Variants in ROBO2 observed in about 807,000 individuals in gnomAD.
ROBO2 encodes the protein roundabout homolog 2.
A neutral mutation model predicts 160.8 loss-of-function variants in ROBO2; 53 were observed. The ratio of observed to expected loss-of-function variants is 0.33; its 90% confidence interval spans 0.26 to 0.41. The LOEUF is 0.41. Ranked by LOEUF, ROBO2 falls within the 10% of genes least tolerant of loss-of-function variation. The pLI, the probability that ROBO2 is intolerant of heterozygous loss-of-function variation, is 1.00. For synonymous variants in ROBO2, 664 were observed against 611.7 expected (o/e 1.09, Z -1.26); for missense variants, 1,577 against 1,722.4 (o/e 0.92, Z 1.49).
intron 2 of ROBO2, among the ~76,000 whole-genome samples, chr3:76,906,849 G>C (rs539701248): frequency 6.6e-6 from 1 of 151,972 alleles, no homozygotes; most frequent in South Asian, 2.1e-4. Context: ...GTATCTCTCT[G>C]TTTGACTACA....
intron 2 of ROBO2, among the ~76,000 whole-genome samples, chr3:76,170,148 G>T (rs1347164042): frequency 1.3e-5 from 2 of 151,888 alleles, no homozygotes; most frequent in African/African-American, 4.9e-5. Context: ...TCATTTTAAA[G>T]ATAACTTCTT....
chr3:76,712,655 G>A lies in ROBO2; in HGVS notation c.110-385359G>A, dbSNP rs988455856. The stretch of plus-strand genomic sequence containing the variant: ...ATGCTGCTGCACTCCAGCCTGGGCG[G>A]CACAGTGAGATGCCGTCTCAAAAAA... On this transcript the variant is annotated intron_variant, in intron 2 of 26. Coordinates refer to the ROBO2 transcript ENST00000487694. Among the ~76,000 whole-genome samples, 5 of 151,572 alleles carry A rather than the reference G, an allele frequency of 3.3e-5. No individual in the cohort carries two copies. In the East Asian group the frequency reaches 9.7e-4, roughly 30 times the overall value.
intron 2 of ROBO2, among the ~76,000 whole-genome samples, chr3:76,264,763 C>T (rs1038290700): frequency 1.2e-4 from 18 of 152,082 alleles, no homozygotes; most frequent in African/African-American, 4.1e-4. Flanking sequence ...TGCTCTTGTC[C>T]CTGTGTAGTA....
chr3:77,214,227 G>T (rs947076774), intron 2 of ROBO2, among the ~76,000 whole-genome samples: 1 of 152,044 alleles, frequency 6.6e-6, no homozygotes, highest in Admixed American at 6.6e-5. Context: ...TCTCTTTGTA[G>T]GTCTCTAAGG....
intron 2 of ROBO2, among the ~76,000 whole-genome samples, chr3:76,704,801 C>T (rs1400697131): frequency 1.3e-5 from 2 of 152,080 alleles, no homozygotes; most frequent in East Asian, 3.9e-4. Flanking sequence ...CTAAGCAGGG[C>T]TCTCTAGAAG....
Position 77,353,945 on chromosome 3 carries a change from A to G in ROBO2, c.389-123469A>G, listed in dbSNP as rs548009861. 2.6e-5 allele frequency among the ~76,000 whole-genome samples: 4 copies of G among 152,356 alleles called. No individual in the cohort carries two copies. In the South Asian group the frequency reaches 8.3e-4, roughly 32 times the overall value. ...AGAAAATGTGTAAATGAATTACATT[A>G]ATTACCGCTTCTTCCCACCACTGCT... On this transcript the variant is annotated intron_variant, in intron 2 of 25. Transcript: ENST00000461745.
chr3:76,940,296 T>G (rs1284096715), intron 2 of ROBO2, among the ~76,000 whole-genome samples: 1 of 152,164 alleles, frequency 6.6e-6, no homozygotes, highest in African/African-American at 2.4e-5. Context: ...CAGGATATTT[T>G]TAAGCTGCCA....
At chr3:76,304,898 T>C (rs896404694) in intron 2 of ROBO2, among the ~76,000 whole-genome samples, 5 of 151,760 alleles carry the variant, frequency 3.3e-5, no homozygotes, top group Non-Finnish European at 5.9e-5. Flanking sequence ...CTGGGCCCTT[T>C]CCAGCACTCA....
At chr3:77,527,300 C>A in intron 6 of ROBO2, 103 bp from the exon 7 acceptor site, 1 of 797,102 alleles carries the variant, frequency 1.3e-6, no homozygotes. Context: ...ACTCTATTGT[C>A]CATACTTAAA....
At chr3:75,942,008 C>T (rs74878595) in intron 2 of ROBO2, among the ~76,000 whole-genome samples, 18 of 152,122 alleles carry the variant, frequency 1.2e-4, no homozygotes, top group African/African-American at 4.3e-4. Context: ...TCCTTACAAT[C>T]GTTTCCCAGT....
rs567063474 is a variant in ROBO2, at chr3:76,248,756, C to G, written c.109+311154C>G. On this transcript the variant is annotated intron_variant, in intron 2 of 26. Coordinates refer to the ROBO2 transcript ENST00000487694. ...TTGTTTTGGATTAGTTGTCATGGCACTGATACATTTTGTCATAGTGTGTGC... is the reference window on the plus strand; with the variant it reads ...TTGTTTTGGATTAGTTGTCATGGCAGTGATACATTTTGTCATAGTGTGTGC... 4.6e-5 allele frequency among the ~76,000 whole-genome samples: 7 copies of G among 152,002 alleles called. No homozygotes were observed. In the South Asian group the frequency reaches 1.0e-3, roughly 23 times the overall value.
intron 2 of ROBO2, among the ~76,000 whole-genome samples, chr3:76,475,767 T>G (rs9871044): frequency 0.019 from 2,947 of 152,292 alleles, 88 homozygotes; most frequent in African/African-American, 0.065. Context: ...AGACGTGAGA[T>G]TCCCTCAGAG....
At chr3:75,985,744 C>A (rs1442771241) in intron 2 of ROBO2, among the ~76,000 whole-genome samples, 1 of 151,526 alleles carries the variant, frequency 6.6e-6, no homozygotes, top group Non-Finnish European at 1.5e-5. Context: ...AACTACCATT[C>A]TTTTCGTCTG....
intron 2 of ROBO2, among the ~76,000 whole-genome samples, chr3:77,327,061 A>T (rs1198423036): frequency 6.6e-6 from 1 of 152,194 alleles, no homozygotes; most frequent in East Asian, 1.9e-4. Flanking sequence ...ATGATATTAT[A>T]AAAGTTCATA....
At chr3:76,737,692 G>A (rs1172385090) in intron 2 of ROBO2, among the ~76,000 whole-genome samples, 2 of 152,148 alleles carry the variant, frequency 1.3e-5, no homozygotes, top group Non-Finnish European at 2.9e-5. Flanking sequence ...AGAAGAAGGG[G>A]AAACAACAAG....
intron 2 of ROBO2, among the ~76,000 whole-genome samples, chr3:77,407,924 G>A (rs1198389752): frequency 6.6e-6 from 1 of 152,074 alleles, no homozygotes; most frequent in Non-Finnish European, 1.5e-5. Flanking sequence ...TTCACTTTAC[G>A]TGTTACTAAC....
rs182510456 is a variant in ROBO2 at position 76,406,581 on chromosome 3, A to G, written c.109+468979A>G. Among the ~76,000 whole-genome samples the G allele has an allele frequency of 5.7e-4, 86 of 151,864 alleles. 1 individual carries two copies. Among genetic ancestry groups the G allele is most frequent in the African/African-American group, 2.0e-3 (81 of 41,498 alleles). On this transcript the variant is annotated intron_variant, in intron 2 of 26. Transcript: ENST00000487694. Reference sequence around the variant, plus strand: ...TGATCCAGTTATCTCATTTTTTACAATTAGGGCACTAAGTCCTCAAGAAAC... The same window carrying G: ...TGATCCAGTTATCTCATTTTTTACAGTTAGGGCACTAAGTCCTCAAGAAAC...
chr3:77,508,959 C>T (rs1331013064), intron 5 of ROBO2, among the ~76,000 whole-genome samples: 2 of 151,962 alleles, frequency 1.3e-5, no homozygotes, highest in Non-Finnish European at 2.9e-5. Context: ...GGATAGACTG[C>T]TTCAACAAAA....
At chr3:76,708,985 A>G (rs1020449178) in intron 2 of ROBO2, among the ~76,000 whole-genome samples, 11 of 152,172 alleles carry the variant, frequency 7.2e-5, no homozygotes, top group African/African-American at 2.2e-4. Flanking sequence ...CTTTTGGACA[A>G]TTGGGTAGAT....
Sources: allele counts gnomAD v4.1 joint callset (sites outside exome capture counted in the v4.1 genomes callset), GRCh38; gene constraint gnomAD v4.1.1; transcripts MANE v1.5; gene names NCBI Gene and HGNC (gene_info 2026-07-23, HGNC 2026-07-21).